ZNF609: variants seen among roughly 807,000 people sequenced by gnomAD.
The protein encoded by ZNF609 is zinc finger protein 609.
Under a neutral mutation model 109.5 loss-of-function variants are expected in ZNF609, and 11 were observed. The ratio of observed to expected loss-of-function variants is 0.10; its 90% CI spans 0.06 to 0.17. The LOEUF (loss-of-function observed/expected upper bound fraction) is 0.17, where lower values mean the gene tolerates loss of function less well. ZNF609 is among the 10% of genes least tolerant of loss of function. The pLI is 1.00. For synonymous variants in ZNF609, 646 were observed against 662.0 expected (o/e 0.98, Z 0.37); for missense variants, 1,559 against 1,772.4 (o/e 0.88, Z 2.16).
intron 3 of ZNF609, among the ~76,000 whole-genome samples, chr15:64,630,007 AT>A (rs921676077): frequency 1.3e-5 from 2 of 151,742 alleles, no homozygotes; most frequent in Non-Finnish European, 2.9e-5. Flanking sequence ...AAAAAGGAGT[AT>A]TCATCATTTT....
chr15:64,597,448 A>T (rs1399696316), intron 2 of ZNF609, among the ~76,000 whole-genome samples: 1 of 152,162 alleles, frequency 6.6e-6, no homozygotes, highest in Admixed American at 6.6e-5. Context: ...GGTATTGTTT[A>T]GCTGACCTGC....
rs900329503 is a variant in ZNF609 at position 64,489,113 on chromosome 15, TA to T, written c.-127-10171del. On this transcript the variant is annotated intron_variant, in intron 1 of 9. Transcript: ENST00000326648. The stretch of plus-strand genomic sequence containing the variant: ...GGCAGAGTGAGACCCTGTCTCAAAA[TA>T]AAAAAAAAGGAAAATTAATGATTTT... Among the ~76,000 whole-genome samples, 5 of 147,450 alleles carry T rather than the reference TA, an allele frequency of 3.4e-5. 1 individual carries two copies. In the East Asian group the frequency reaches 5.9e-4, roughly 17 times the overall value.
chr15:64,530,409 A>G (rs1203179486), intron 2 of ZNF609, among the ~76,000 whole-genome samples: 1 of 152,232 alleles, frequency 6.6e-6, no homozygotes, highest in Non-Finnish European at 1.5e-5. Context: ...TAACTACTTT[A>G]TAGAGCAGAA....
chr15:64,632,831 G>A (rs1275794763), intron 3 of ZNF609, among the ~76,000 whole-genome samples: 2 of 135,798 alleles, frequency 1.5e-5, no homozygotes, highest in Non-Finnish European at 3.2e-5. Flanking sequence ...CTGGAGTGCA[G>A]TGGTGTGATC....
intron 1 of ZNF609, among the ~76,000 whole-genome samples, chr15:64,489,787 C>T (rs1275631101): frequency 6.6e-6 from 1 of 152,116 alleles, no homozygotes; most frequent in African/African-American, 2.4e-5. Flanking sequence ...CTCGGCCTCC[C>T]AAAGTGCTGG....
chr15:64,589,968 G>C (rs1595730084), intron 2 of ZNF609, among the ~76,000 whole-genome samples: 1 of 152,318 alleles, frequency 6.6e-6, no homozygotes, highest in African/African-American at 2.4e-5. Context: ...ATGTGGTATG[G>C]TTGATCATAC....
At chr15:64,533,178 G>A (rs1189423207) in intron 2 of ZNF609, among the ~76,000 whole-genome samples, 1 of 151,948 alleles carries the variant, frequency 6.6e-6, no homozygotes, top group Non-Finnish European at 1.5e-5. Context: ...AGCCTCCTGA[G>A]TAGCTGGGGC....
chr15:64,541,493 G>C (rs1894262040), intron 2 of ZNF609, among the ~76,000 whole-genome samples: 1 of 151,336 alleles, frequency 6.6e-6, no homozygotes, highest in African/African-American at 2.4e-5. Flanking sequence ...TGGTACACTT[G>C]CTAGTGAATT....
chr15:64,617,431 G>C (rs931072056), intron 2 of ZNF609, among the ~76,000 whole-genome samples: 2 of 151,980 alleles, frequency 1.3e-5, no homozygotes, highest in Non-Finnish European at 2.9e-5. Flanking sequence ...GGTTGAGGCT[G>C]CAGTGAACCA....
chr15:64,465,785 T>G (rs1292976246), intron 1 of ZNF609, among the ~76,000 whole-genome samples: 15 of 152,018 alleles, frequency 9.9e-5, no homozygotes, highest in Admixed American at 9.8e-4. Flanking sequence ...CCAGAAGAAA[T>G]GATGTTAAGG....
chr15:64,498,705 C>A (rs1451230550), intron 1 of ZNF609, among the ~76,000 whole-genome samples: 1 of 152,084 alleles, frequency 6.6e-6, no homozygotes, highest in Non-Finnish European at 1.5e-5. Context: ...TAGTTCAAGT[C>A]TTAGCCCCCT....
intron 2 of ZNF609, among the ~76,000 whole-genome samples, chr15:64,539,246 T>C (rs1435625032): frequency 1.4e-5 from 2 of 142,894 alleles, no homozygotes; most frequent in African/African-American, 5.2e-5. Context: ...CTCACTCTGT[T>C]GCCCAGGCTG....
chr15:64,522,234 T>C (rs1023487088), intron 2 of ZNF609, among the ~76,000 whole-genome samples: 5 of 152,228 alleles, frequency 3.3e-5, no homozygotes, highest in Admixed American at 2.6e-4. Flanking sequence ...CTATAAGTGC[T>C]TTATTGTAAA....
intron 1 of ZNF609, among the ~76,000 whole-genome samples, chr15:64,462,784 A>G (rs994652845): frequency 2.0e-5 from 3 of 152,340 alleles, no homozygotes; most frequent in African/African-American, 4.8e-5. Context: ...TCATTGTGCA[A>G]AAGTCTATAT....
At chr15:64,599,912 C>T (rs922234303) in intron 2 of ZNF609, among the ~76,000 whole-genome samples, 3 of 152,186 alleles carry the variant, frequency 2.0e-5, no homozygotes, top group Admixed American at 6.6e-5. Flanking sequence ...TTCTTTAGGT[C>T]CACTCCAGCA....
chr15:64,671,572 C>T (rs1896731549), intron 4 of ZNF609, among the ~76,000 whole-genome samples: 1 of 152,188 alleles, frequency 6.6e-6, no homozygotes, highest in African/African-American at 2.4e-5. Context: ...AGGACCTTTT[C>T]ATGTCGCAAT....
intron 1 of ZNF609, among the ~76,000 whole-genome samples, chr15:64,478,700 A>T (rs1012922337): frequency 6.6e-6 from 1 of 151,978 alleles, no homozygotes; most frequent in Non-Finnish European, 1.5e-5. Context: ...TTTGTGGTGA[A>T]CTCAGATCCA....
At chr15:64,620,349 C>CT (rs1196657522) in intron 2 of ZNF609, among the ~76,000 whole-genome samples, 1 of 152,220 alleles carries the variant, frequency 6.6e-6, no homozygotes, top group Non-Finnish European at 1.5e-5. Context: ...TATTCTGTCT[C>CT]TAACTTTCCC....
At chr15:64,593,544 T>A (rs1360405858) in intron 2 of ZNF609, among the ~76,000 whole-genome samples, 1 of 152,218 alleles carries the variant, frequency 6.6e-6, no homozygotes, top group Non-Finnish European at 1.5e-5. Flanking sequence ...TGTTTGTTTT[T>A]GAGACAGGGT....
Sources: gnomAD v4.1 joint callset for allele counts (sites outside exome capture counted in the v4.1 genomes callset) on GRCh38, gnomAD v4.1.1 for gene constraint, MANE v1.5 for transcripts, NCBI Gene and HGNC (gene_info 2026-07-23, HGNC 2026-07-21) for gene names.